DOCK10: variants seen among roughly 807,000 people sequenced by gnomAD.
The protein encoded by DOCK10 is dedicator of cytokinesis protein 10.
DOCK10 carries 145 observed loss-of-function variants against 280.1 expected under a neutral mutation model. The observed-to-expected ratio is 0.52, with a 90% CI of 0.45 to 0.59. The LOEUF (loss-of-function observed/expected upper bound fraction) is 0.59, where lower values mean the gene tolerates loss of function less well. DOCK10 is among the 20% of genes least tolerant of loss of function. The pLI is 0.00. For synonymous variants in DOCK10, 915 were observed against 942.2 expected (o/e 0.97, Z 0.53); for missense variants, 2,368 against 2,651.7 (o/e 0.89, Z 2.35).
At chr2:224,870,754 C>T (rs1384830756) in intron 11 of DOCK10, among the ~76,000 whole-genome samples, 3 of 151,576 alleles carry the variant, frequency 2.0e-5, no homozygotes, top group African/African-American at 4.9e-5. Context: ...CCCTCTCCCC[C>T]CAACCAACAT....
chr2:225,001,036 G>T (rs886821273), intron 1 of DOCK10, among the ~76,000 whole-genome samples: 12 of 152,178 alleles, frequency 7.9e-5, no homozygotes, highest in African/African-American at 2.9e-4. Flanking sequence ...TGTGTTAATT[G>T]GAGTTAAACT....
rs35956360 is a variant in DOCK10, at chr2:224,916,540, CAAAAAA to C, written c.333+149_333+154del. 2.2e-3 allele frequency among the ~76,000 whole-genome samples: 248 copies of C among 110,924 alleles called. 2 individuals are homozygous for C. The highest frequency in any genetic ancestry group is 6.5e-3 in the African/African-American group (173 of 26,506). The allele number at this position is 110,924 out of a possible 152,430, so 72.8% of individuals were successfully genotyped here. ...TGGGTGACAGAGTGACACCCTCCCT[CAAAAAA>C]AAAAAAAAAAAAAAAAGACATCCAC... On this transcript the variant is annotated intron_variant, in intron 3 of 55. Coordinates refer to ENST00000258390, the MANE Select transcript of DOCK10 (RefSeq NM_014689.3).
At chr2:224,945,649 T>C (rs1213396750) in intron 1 of DOCK10, among the ~76,000 whole-genome samples, 1 of 151,952 alleles carries the variant, frequency 6.6e-6, no homozygotes, top group African/African-American at 2.4e-5. Flanking sequence ...TTCATATTTA[T>C]AAAGAGCCTA....
intron 1 of DOCK10, among the ~76,000 whole-genome samples, chr2:225,025,038 G>T (rs1489081593): frequency 6.6e-6 from 1 of 152,178 alleles, no homozygotes; most frequent in African/African-American, 2.4e-5. Context: ...AATTTTATTT[G>T]TATTCTTTAA....
chr2:224,932,475 C>T (rs947576210), intron 1 of DOCK10, among the ~76,000 whole-genome samples: 18 of 151,976 alleles, frequency 1.2e-4, no homozygotes, highest in East Asian at 3.9e-4. Context: ...CCTCCCTCGC[C>T]GCAAAACACA....
intron 2 of DOCK10, among the ~76,000 whole-genome samples, chr2:224,923,862 T>C (rs1701911408): frequency 6.6e-6 from 1 of 152,252 alleles, no homozygotes. Flanking sequence ...TGTTATTTAC[T>C]CTCTGTAGCA....
intron 1 of DOCK10, among the ~76,000 whole-genome samples, chr2:224,997,763 C>T (rs756552935): frequency 6.6e-6 from 1 of 152,104 alleles, no homozygotes. Context: ...GGGCTATGTA[C>T]TAACAGGCTT....
At chr2:224,813,049 C>T (rs557163233) in intron 31 of DOCK10, among the ~76,000 whole-genome samples, 12 of 152,102 alleles carry the variant, frequency 7.9e-5, no homozygotes, top group Non-Finnish European at 4.4e-5. Flanking sequence ...TTGGAATGTA[C>T]ATTTGAAATC....
At chr2:224,845,111 A>G in intron 21 of DOCK10, 92 bp downstream of exon 21, 2 of 1,307,778 alleles carry the variant, frequency 1.5e-6, no homozygotes, top group African/African-American at 1.5e-5. Flanking sequence ...GGACATGTCC[A>G]CTATGATCTT....
At chr2:224,905,862 A>G (rs1200909950) in intron 3 of DOCK10, among the ~76,000 whole-genome samples, 6 of 152,104 alleles carry the variant, frequency 3.9e-5, no homozygotes, top group Non-Finnish European at 5.9e-5. Context: ...AGTGTGGCTC[A>G]GGGACCTGCC....
chr2:224,908,166 T>TTG (rs369490326), intron 3 of DOCK10, among the ~76,000 whole-genome samples: 10,499 of 136,266 alleles, frequency 0.077, 371 homozygotes, highest in Middle Eastern at 0.14. Context: ...TTTAAATGAG[T>TTG]TGTGTGTGTG....
intron 16 of DOCK10, among the ~76,000 whole-genome samples, chr2:224,854,051 A>G (rs991936315): frequency 2.2e-4 from 33 of 152,296 alleles, no homozygotes; most frequent in Admixed American, 1.9e-3. Flanking sequence ...ACCAATCAAT[A>G]TAAAAATGAT....
intron 31 of DOCK10, among the ~76,000 whole-genome samples, chr2:224,809,313 A>C (rs1693611393): frequency 2.0e-5 from 3 of 152,186 alleles, no homozygotes; most frequent in African/African-American, 7.2e-5. Flanking sequence ...CACCCCAAAA[A>C]CACAGTCAAT....
chr2:224,901,149 A>G (rs556893465), intron 3 of DOCK10, among the ~76,000 whole-genome samples: 1 of 152,358 alleles, frequency 6.6e-6, no homozygotes, highest in East Asian at 1.9e-4. Context: ...TCCAGCCCAC[A>G]CAGTCACTCT....
At chr2:224,888,122 T>C (rs770686856) in intron 4 of DOCK10, among the ~76,000 whole-genome samples, 1 of 152,136 alleles carries the variant, frequency 6.6e-6, no homozygotes, top group African/African-American at 2.4e-5. Flanking sequence ...CCCATCATCA[T>C]TGTGGCATTA....
intron 23 of DOCK10, 123 bp downstream of exon 23, chr2:224,841,681 T>C: frequency 1.7e-6 from 1 of 583,032 alleles, no homozygotes; most frequent in Non-Finnish European, 3.1e-6. Flanking sequence ...TCTGAATTGA[T>C]AAGGTATTAA....
intron 8 of DOCK10, 110 bp downstream of exon 8, chr2:224,875,928 A>G: frequency 9.2e-7 from 1 of 1,088,182 alleles, no homozygotes; most frequent in Admixed American, 2.5e-5. Flanking sequence ...AAACAGCCCC[A>G]GGATGGATGA....
intron 25 of DOCK10, among the ~76,000 whole-genome samples, chr2:224,836,223 G>C (rs555616667): frequency 6.6e-6 from 1 of 152,280 alleles, no homozygotes; most frequent in African/African-American, 2.4e-5. Context: ...TTGAGAGGGT[G>C]AAAGTTCTCC....
chr2:224,815,868 T>A (rs1694100062), intron 30 of DOCK10, among the ~76,000 whole-genome samples: 1 of 152,056 alleles, frequency 6.6e-6, no homozygotes, highest in Admixed American at 6.6e-5. Flanking sequence ...AAACCTCTTC[T>A]CTACTAAAAA....
Sources: allele counts gnomAD v4.1 joint callset (sites outside exome capture counted in the v4.1 genomes callset), GRCh38; gene constraint gnomAD v4.1.1; transcripts MANE v1.5; gene names NCBI Gene and HGNC (gene_info 2026-07-23, HGNC 2026-07-21).